The following FAM135A variants were observed in gnomAD, a reference collection of about 807,000 sequenced individuals.
The protein encoded by FAM135A is protein FAM135A.
FAM135A carries 79 observed loss-of-function variants against 146.8 expected under a neutral mutation model. The ratio of observed to expected loss-of-function variants is 0.54; its 90% CI spans 0.45 to 0.65. FAM135A has a LOEUF of 0.65. Ranked by LOEUF, FAM135A falls within the 30% of genes least tolerant of loss-of-function variation. The probability of loss-of-function intolerance (pLI) is 0.00; values close to 1 mark genes in which losing one functional copy is unlikely to be tolerated. For synonymous variants in FAM135A, 562 were observed against 603.6 expected (o/e 0.93, Z 1.01); for missense variants, 1,623 against 1,758.2 (o/e 0.92, Z 1.38).
At chr6:70,484,695 T>C (rs1184778926) in intron 10 of FAM135A, among the ~76,000 whole-genome samples, 1 of 152,218 alleles carries the variant, frequency 6.6e-6, no homozygotes, top group Non-Finnish European at 1.5e-5. Context: ...GAGAATCTAA[T>C]GCCGCTGCTG....
chr6:70,528,402 A>G lies in FAM135A; in HGVS notation c.3725A>G (p.Asp1242Gly), dbSNP rs2747701. 0.45 allele frequency: 727,128 copies of G among 1,612,320 alleles called. 172,014 individuals carry two copies. The highest frequency in any genetic ancestry group is 0.55 in the East Asian group (24,790 of 44,806). Residue 1242 changes from aspartate (D) to glycine (G), a missense_variant, in exon 16 of 22, where the codon GAT (aspartate) becomes GGT (glycine). By Grantham distance (94) the Asp-to-Gly change is moderately conservative (BLOSUM62 -1). Transcript: ENST00000418814. ...SVPYFSVEEE[D>G]GSEDGVHLIV... ...CCTTATTTTAGTGTAGAAGAAGAGG[A>G]TGGTTCTGAAGATGGAGTACATCTG...
intron 4 of FAM135A, among the ~76,000 whole-genome samples, chr6:70,445,146 G>T (rs186481013): frequency 6.6e-6 from 1 of 152,134 alleles, no homozygotes; most frequent in East Asian, 1.9e-4. Context: ...AACAGGGGTG[G>T]TAAAACTACA....
chr6:70,524,838 A>AC lies in FAM135A; in HGVS notation c.1754_1755insC (p.Gln585HisfsTer7). ...CCAACTAATACAGAGAGAACTGAAC[A>AC]AAAGTCTCCAGATATTGAAAATGTT... is the stretch of plus-strand genomic sequence containing the variant. On this transcript the variant is annotated frameshift_variant, in exon 15 of 22. Transcript: ENST00000418814. LOFTEE classifies it high-confidence loss of function. 1 of 1,584,236 alleles carries AC rather than the reference A, an allele frequency of 6.3e-7. No homozygotes were observed. Among genetic ancestry groups the AC allele is most frequent in the African/African-American group, 1.4e-5 (1 of 73,730 alleles).
In FAM135A at chr6:70,495,724, G is replaced by T. The variant is rs1787076131; in HGVS notation, c.873+4641G>T. Among the ~76,000 whole-genome samples the T allele has an allele frequency of 2.6e-5, 4 of 152,054 alleles. No homozygotes were observed. In the South Asian group the frequency reaches 8.3e-4, roughly 32 times the overall value. ...ACATAGGTGTACACGTGCCATGGTGGTTTGCTGCACCCATCAACCTGTCGT... is the reference window on the plus strand; with the variant it reads ...ACATAGGTGTACACGTGCCATGGTGTTTTGCTGCACCCATCAACCTGTCGT... On this transcript the variant is annotated intron_variant, in intron 11 of 21. Transcript: ENST00000418814.
intron 10 of FAM135A, among the ~76,000 whole-genome samples, chr6:70,487,083 C>CAAAAAA (rs34560435): frequency 1.8e-3 from 71 of 40,290 alleles, no homozygotes; most frequent in East Asian, 3.7e-3. Flanking sequence ...ACTCCCATCT[C>CAAAAAA]AAAAAAAAAA....
At chr6:70,552,614 G>C (rs1018678632) in intron 20 of FAM135A, among the ~76,000 whole-genome samples, 10 of 151,914 alleles carry the variant, frequency 6.6e-5, no homozygotes, top group African/African-American at 2.4e-4. Context: ...GATTACAGGT[G>C]CCTGCCACCG....
At chr6:70,451,389 G>A (rs1407019628) in intron 4 of FAM135A, among the ~76,000 whole-genome samples, 1 of 152,198 alleles carries the variant, frequency 6.6e-6, no homozygotes, top group African/African-American at 2.4e-5. Context: ...GACATGGGAA[G>A]TTGAAGAGTT....
At chr6:70,523,858 G>A in intron 13 of FAM135A, 109 bp from the exon 14 acceptor site, 2 of 1,056,104 alleles carry the variant, frequency 1.9e-6, no homozygotes, top group South Asian at 1.6e-5. Context: ...GTTATGTCTT[G>A]CAGATGAGGG....
intron 2 of FAM135A, among the ~76,000 whole-genome samples, chr6:70,421,504 A>C (rs949611670): frequency 3.0e-4 from 45 of 152,286 alleles, no homozygotes; most frequent in African/African-American, 1.1e-3. Context: ...AGGTATTAAT[A>C]AGGTAGTTGT....
chr6:70,482,009 C>T lies in FAM135A; in HGVS notation c.678C>T (p.Ser226=), dbSNP rs1312237330. 6.2e-7 allele frequency: 1 copy of T among 1,612,282 alleles called. No individual in the cohort carries two copies. The highest frequency in any genetic ancestry group is 1.7e-5 in the Admixed American group (1 of 59,774). Residue 226 remains serine (S), a synonymous_variant, in exon 10 of 22, where the codon AGC becomes AGT. Coordinates refer to ENST00000418814, the MANE Select transcript of FAM135A (RefSeq NM_001162529.3). ...YTKQLSPDGC[S]FIIADSFLHH... ...ATCTGTTTTTTGTTTAGGGTTGTAG[C>T]TTCATCATTGCAGACTCCTTCCTAC... is the stretch of plus-strand genomic sequence containing the variant.
chr6:70,445,458 A>T (rs1372353021), intron 4 of FAM135A, among the ~76,000 whole-genome samples: 1 of 152,236 alleles, frequency 6.6e-6, no homozygotes, highest in Non-Finnish European at 1.5e-5. Context: ...GGGATCTCAC[A>T]GCCTTCAGAG....
intron 7 of FAM135A, among the ~76,000 whole-genome samples, chr6:70,476,368 A>G (rs1782637814): frequency 2.0e-5 from 3 of 152,204 alleles, no homozygotes; most frequent in South Asian, 2.1e-4. Flanking sequence ...AAAATGATAT[A>G]TAAATTCAGA....
rs549127550 is a variant in FAM135A, at chr6:70,437,468, C to A, written c.77+9049C>A. Among the ~76,000 whole-genome samples the A allele has an allele frequency of 2.6e-5, 4 of 151,846 alleles. No individual in the cohort carries two copies. In the South Asian group the frequency reaches 6.2e-4, roughly 24 times the overall value. On this transcript the variant is annotated intron_variant, in intron 4 of 21. Coordinates refer to ENST00000418814, the MANE Select transcript of FAM135A (RefSeq NM_001162529.3). ...AGTGTTCAGTTTTAAAAGATTTTAC[C>A]TACAAAGAAATAAGAGTTTGGTCTC...
At chr6:70,520,390 T>C (rs1384921384) in intron 12 of FAM135A, among the ~76,000 whole-genome samples, 2 of 152,296 alleles carry the variant, frequency 1.3e-5, no homozygotes, top group Middle Eastern at 3.4e-3. Context: ...CTATCAGATA[T>C]AGACCCTGCA....
chr6:70,441,802 A>C (rs1201992375), intron 4 of FAM135A, among the ~76,000 whole-genome samples: 1 of 151,214 alleles, frequency 6.6e-6, no homozygotes, highest in Non-Finnish European at 1.5e-5. Flanking sequence ...CTCCTGCCTC[A>C]GCCTCCCAAG....
intron 5 of FAM135A, among the ~76,000 whole-genome samples, chr6:70,471,054 A>T (rs1478189171): frequency 1.3e-5 from 2 of 152,232 alleles, no homozygotes; most frequent in African/African-American, 4.8e-5. Flanking sequence ...ATACGGTATG[A>T]TTGCTAGGCA....
chr6:70,475,758 C>A (rs1325199862), intron 7 of FAM135A, 25 bp downstream of exon 7: 18 of 1,539,850 alleles, frequency 1.2e-5, no homozygotes, highest in Non-Finnish European at 1.4e-5. Context: ...AATTAAAAAA[C>A]CTTTAGGCAC....
intron 4 of FAM135A, among the ~76,000 whole-genome samples, chr6:70,451,374 C>T (rs1026308938): frequency 1.3e-5 from 2 of 152,122 alleles, no homozygotes; most frequent in African/African-American, 4.8e-5. Flanking sequence ...TTAGTCAAAA[C>T]CCTTGACATG....
chr6:70,502,957 C>A, intron 12 of FAM135A, 166 bp downstream of exon 12: 1 of 684,564 alleles, frequency 1.5e-6, no homozygotes, highest in Non-Finnish European at 2.3e-6. Context: ...TAGAATAGAA[C>A]AATACAGTTA....
Sources: allele counts gnomAD v4.1 joint callset (sites outside exome capture counted in the v4.1 genomes callset), GRCh38; gene constraint gnomAD v4.1.1; transcripts MANE v1.5; gene names NCBI Gene and HGNC (gene_info 2026-07-23, HGNC 2026-07-21).